HSD17B12: variants seen among roughly 807,000 people sequenced by gnomAD.
HSD17B12 encodes the protein very-long-chain 3-oxoacyl-CoA reductase.
In HSD17B12, 32 loss-of-function variants were observed where a neutral mutation model predicts 39.3. The observed-to-expected ratio is 0.81, with a 90% confidence interval of 0.61 to 1.09. The LOEUF is 1.09. HSD17B12 is among the 50% of genes least tolerant of loss of function. The pLI is 0.00. For synonymous variants in HSD17B12, 150 were observed against 146.7 expected (o/e 1.02, Z -0.16); for missense variants, 342 against 382.9 (o/e 0.89, Z 0.89).
chr11:43,838,492 G>T, intron 8 of HSD17B12, 94 bp downstream of exon 8: 1 of 935,586 alleles, frequency 1.1e-6, no homozygotes. Flanking sequence ...CTGAAGTTCT[G>T]TTCTTGGCAG....
At chr11:43,762,079 T>G (rs955379242) in intron 3 of HSD17B12, among the ~76,000 whole-genome samples, 1 of 152,228 alleles carries the variant, frequency 6.6e-6, no homozygotes, top group Non-Finnish European at 1.5e-5. Flanking sequence ...TTTCCTGAAT[T>G]CTGTGGGATC....
chr11:43,793,195 C>T (rs748554043), intron 3 of HSD17B12, among the ~76,000 whole-genome samples: 5 of 151,988 alleles, frequency 3.3e-5, no homozygotes, highest in African/African-American at 1.2e-4. Flanking sequence ...AATATGTCCA[C>T]GGATGCAGTA....
chr11:43,703,320 A>G (rs931184533), intron 1 of HSD17B12, among the ~76,000 whole-genome samples: 1 of 151,132 alleles, frequency 6.6e-6, no homozygotes, highest in African/African-American at 2.4e-5. Context: ...TCAGCCTCCC[A>G]AGTAGCTGGG....
the HSD17B12 span, among the ~76,000 whole-genome samples, chr11:43,581,778 G>T: frequency 6.6e-6 from 1 of 152,166 alleles, no homozygotes; most frequent in Non-Finnish European, 1.5e-5. This position sits in a 1 kb window ranked among gnomAD's most constrained non-coding sequence, Gnocchi z 4.9. Context: ...TACAGAAGTT[G>T]TGTCTTCCCC....
At chr11:43,789,879 C>T (rs984150919) in intron 3 of HSD17B12, among the ~76,000 whole-genome samples, 1 of 152,078 alleles carries the variant, frequency 6.6e-6, no homozygotes, top group Non-Finnish European at 1.5e-5. Context: ...CTGCAATGAG[C>T]CATGACCGCG....
intron 1 of HSD17B12, among the ~76,000 whole-genome samples, chr11:43,701,444 C>G (rs753232341): frequency 6.6e-6 from 1 of 152,068 alleles, no homozygotes; most frequent in African/African-American, 2.4e-5. Context: ...CTAATGTTTT[C>G]TTGTGGTAGT....
intron 3 of HSD17B12, among the ~76,000 whole-genome samples, chr11:43,764,162 T>C (rs1327809589): frequency 1.3e-5 from 2 of 152,182 alleles, no homozygotes; most frequent in Non-Finnish European, 2.9e-5. Context: ...AATGTGAAAC[T>C]TGGATTCTTA....
the HSD17B12 span, among the ~76,000 whole-genome samples, chr11:43,666,252 G>GCACTCTA: frequency 1.3e-5 from 2 of 152,270 alleles, no homozygotes; most frequent in African/African-American, 4.8e-5. Context: ...CACCCAGGCT[G>GCACTCTA]GAGTGCAGTG....
intron 4 of HSD17B12, among the ~76,000 whole-genome samples, chr11:43,810,635 G>T (rs1221206533): frequency 1.3e-5 from 2 of 151,708 alleles, no homozygotes; most frequent in Admixed American, 1.3e-4. Context: ...TCTGTTCTCT[G>T]CCTGCCTCAT....
the HSD17B12 span, among the ~76,000 whole-genome samples, chr11:43,649,511 T>C: frequency 6.6e-5 from 10 of 152,278 alleles, no homozygotes; most frequent in African/African-American, 2.2e-4. Context: ...TGTACTATAG[T>C]TTTATAAATC....
At chr11:43,744,618 C>T (rs1950397532) in intron 1 of HSD17B12, among the ~76,000 whole-genome samples, 2 of 151,962 alleles carry the variant, frequency 1.3e-5, no homozygotes, top group Admixed American at 6.6e-5. Flanking sequence ...TGTGGTATAT[C>T]CTGGATATCC....
chr11:43,842,592 T>C (rs1465363890), intron 9 of HSD17B12, among the ~76,000 whole-genome samples: 5 of 152,206 alleles, frequency 3.3e-5, no homozygotes, highest in African/African-American at 1.2e-4. Flanking sequence ...ATGTAGAATA[T>C]GTTGTATTTT....
At chr11:43,668,895 G>T in the HSD17B12 span, among the ~76,000 whole-genome samples, 1 of 151,738 alleles carries the variant, frequency 6.6e-6, no homozygotes. Flanking sequence ...GTCTAGCTAT[G>T]TTGCCCAGGC....
rs991281290 is a variant in HSD17B12, at chr11:43,777,905, G to A, written c.284-20415G>A. Among the ~76,000 whole-genome samples the A allele has an allele frequency of 6.3e-3, 954 of 151,992 alleles. 6 individuals are homozygous for A. Among genetic ancestry groups the A allele is most frequent in the East Asian group, 0.044 (225 of 5,168 alleles). On this transcript the variant is annotated intron_variant, in intron 3 of 10. Coordinates refer to ENST00000278353, the MANE Select transcript of HSD17B12 (RefSeq NM_016142.3). ...AGGAAAGATCCAAAATTGACACCCTGACATCACAATTAAAAGAACTAGAAA... is the reference window on the plus strand; with the variant it reads ...AGGAAAGATCCAAAATTGACACCCTAACATCACAATTAAAAGAACTAGAAA...
intron 3 of HSD17B12, among the ~76,000 whole-genome samples, chr11:43,787,008 C>G (rs768150653): frequency 3.3e-5 from 5 of 152,278 alleles, no homozygotes; most frequent in South Asian, 2.1e-4. Flanking sequence ...CAGTGGTGAT[C>G]TTGGCTCACT....
intron 1 of HSD17B12, chr11:43,719,023 C>T (rs1244298146): frequency 2.1e-6 from 2 of 958,166 alleles, no homozygotes; most frequent in Non-Finnish European, 3.4e-6. Context: ...TGAAGAAGCT[C>T]TATGACATTG....
chr11:43,619,939 AC>A, the HSD17B12 span, among the ~76,000 whole-genome samples: 1 of 152,182 alleles, frequency 6.6e-6, no homozygotes, highest in Non-Finnish European at 1.5e-5. Flanking sequence ...CCAGTTGTCC[AC>A]TGACTTTTGT....
chr11:43,690,404 A>ATTTTTTT (rs1206545700), intron 1 of HSD17B12, among the ~76,000 whole-genome samples: 1 of 24,960 alleles, frequency 4.0e-5, no homozygotes. Flanking sequence ...ATATATATAT[A>ATTTTTTT]TTTTTTTTTT....
chr11:43,584,364 G>A, the HSD17B12 span, among the ~76,000 whole-genome samples: 1 of 152,152 alleles, frequency 6.6e-6, no homozygotes, highest in Non-Finnish European at 1.5e-5. Flanking sequence ...AAGGCTTTGT[G>A]GGCATCTCTG....
Sources: gnomAD v4.1 joint callset for allele counts (sites outside exome capture counted in the v4.1 genomes callset) on GRCh38, gnomAD v4.1.1 for gene constraint, Gnocchi (gnomAD v3.1) non-coding constraint, MANE v1.5 for transcripts, NCBI Gene and HGNC (gene_info 2026-07-23, HGNC 2026-07-21) for gene names.